The following FAT1 variants were observed in gnomAD, a reference collection of about 807,000 sequenced individuals.
FAT1 encodes FAT atypical cadherin 1.
In FAT1, 171 loss-of-function variants were observed where a neutral mutation model predicts 329.8. The observed-to-expected ratio is 0.52, with a 90% CI of 0.46 to 0.59. The LOEUF (loss-of-function observed/expected upper bound fraction) is 0.59. FAT1 is among the 20% of genes least tolerant of loss of function. FAT1 has a pLI of 0.00. For synonymous variants in FAT1, 2,233 were observed against 2,228.6 expected (o/e 1.00, Z -0.06); for missense variants, 5,672 against 5,774.4 (o/e 0.98, Z 0.57).
rs772349403 is a variant in FAT1 at position 186,708,723 on chromosome 4, T to C, written c.1105A>G (p.Lys369Glu). The C allele has an allele frequency of 1.9e-6, 3 of 1,613,846 alleles. No homozygotes were observed. The East Asian group carries it at 6.7e-5, about 36-fold the overall frequency. The change falls in exon 2 of 27, where the codon AAG (lysine) becomes GAG (glutamate). Residue 369 changes from lysine to glutamate, a missense_variant. Lys to Glu is a moderately conservative substitution (Grantham distance 56). Coordinates refer to ENST00000441802, the MANE Select transcript of FAT1 (RefSeq NM_005245.4). ...QFKAGPVKFE[K>E]DVYRAEISEF... Reference sequence around the variant, plus strand: ...CTTATTTCTGCTCTGTAAACATCCTTTTCAAACTTGACTGGCCCGGCTTTG... The same window carrying C: ...CTTATTTCTGCTCTGTAAACATCCTCTTCAAACTTGACTGGCCCGGCTTTG...
chr4:186,720,492 T>G (rs1422775296), intron 1 of FAT1, among the ~76,000 whole-genome samples: 1 of 152,194 alleles, frequency 6.6e-6, no homozygotes, highest in Non-Finnish European at 1.5e-5. Context: ...ATAACTTGCT[T>G]TGCACACATC....
In FAT1 at chr4:186,723,811, T is replaced by C. The variant is rs1263413249; in HGVS notation, c.-166A>G. On this transcript the variant is annotated 5_prime_UTR_variant, in exon 1 of 27. Coordinates refer to ENST00000441802, the MANE Select transcript of FAT1 (RefSeq NM_005245.4). ...TGCCGCACGAGCCGCTCCCGCGCCCTCTCCCCGCGCCCGGCCGCCCAGCTC... is the reference window on the plus strand; with the variant it reads ...TGCCGCACGAGCCGCTCCCGCGCCCCCTCCCCGCGCCCGGCCGCCCAGCTC... 6.7e-6 allele frequency: 1 copy of C among 148,882 alleles called. No homozygotes were observed. The highest frequency in any genetic ancestry group is 2.0e-4 in the East Asian group (1 of 4,932). The allele number at this position is 148,882 out of a possible 1,614,324, so 9.2% of individuals were successfully genotyped here. A position where few individuals can be genotyped will look rare whatever the true frequency, so the allele number is the denominator to read the frequency against.
At position 186,663,555 on chromosome 4, in the gene FAT1, T is replaced by A. The variant is rs139789197; in HGVS notation, c.3324A>T (p.Thr1108=). Residue 1108 remains threonine (T), a synonymous_variant, in exon 3 of 27, where the codon ACA becomes ACT. Coordinates refer to ENST00000441802, the MANE Select transcript of FAT1 (RefSeq NM_005245.4). The stretch of plus-strand genomic sequence containing the variant: ...CGACACCCTGATCGGTTGCAAAGAC[T>A]GTTAGCCAATAATGGGAGGTCGATT... The part of the protein sequence containing the change: ...DRESTSHYWL[T]VFATDQGVVP... 328 of 1,613,370 alleles carry A rather than the reference T, an allele frequency of 2.0e-4. No individual in the cohort carries two copies. The highest frequency in any genetic ancestry group is 1.1e-3 in the South Asian group (100 of 91,066).
intron 1 of FAT1, among the ~76,000 whole-genome samples, chr4:186,721,495 A>G (rs1745468025): frequency 6.6e-6 from 1 of 152,274 alleles, no homozygotes; most frequent in Non-Finnish European, 1.5e-5. Flanking sequence ...AAGAACAATT[A>G]TCTAGCGCAA....
Position 186,599,745 on chromosome 4 carries a change from G to A in FAT1, c.12103+153C>T, listed in dbSNP as rs557792509. Among the ~76,000 whole-genome samples the A allele has an allele frequency of 3.9e-5, 6 of 152,296 alleles. No individual in the cohort carries two copies. In the South Asian group the frequency reaches 8.3e-4, roughly 21 times the overall value. ...GGGCAGCAGACCCAGCTCTGCCCCCGTATGAGGGATGCTGCTCGCTTCCAA... is the reference window on the plus strand; with the variant it reads ...GGGCAGCAGACCCAGCTCTGCCCCCATATGAGGGATGCTGCTCGCTTCCAA... On this transcript the variant is annotated intron_variant, in intron 22 of 26. Coordinates refer to ENST00000441802, the MANE Select transcript of FAT1 (RefSeq NM_005245.4).
Position 186,620,063 on chromosome 4 carries a change from T to C in FAT1, c.6523A>G (p.Met2175Val). ...TCAAACACAGGCATGGCTTTATTCA[T>C]GACAGTGATCGGAACGATAACTTCC... ...SAEVIVPITV[M>V]NKAMPVFEKP... The change falls in exon 10 of 27, where the codon ATG becomes GTG. Residue 2175 changes from methionine to valine, a missense_variant. This residue lies in a region of FAT1 where 3,966 missense variants were observed against 3,915.2 expected (regional missense o/e 1.01). Transcript: ENST00000441802. The C allele has an allele frequency of 6.2e-7, 1 of 1,614,046 alleles. No individual in the cohort carries two copies. Among genetic ancestry groups the C allele is most frequent in the Non-Finnish European group, 8.5e-7 (1 of 1,179,900 alleles).
chr4:186,600,456 G>C, intron 21 of FAT1, 96 bp from the exon 22 acceptor site: 2 of 1,056,426 alleles, frequency 1.9e-6, no homozygotes, highest in Non-Finnish European at 1.4e-6. Context: ...AGGGAGTGAG[G>C]GTAGAAGTTA....
At chr4:186,624,346 C>T (rs1050952531) in intron 9 of FAT1, among the ~76,000 whole-genome samples, 4 of 152,178 alleles carry the variant, frequency 2.6e-5, no homozygotes, top group Non-Finnish European at 5.9e-5. Context: ...CCCCTGTAGA[C>T]ACACACTGGA....
rs151185143 is a variant in FAT1 at position 186,620,388 on chromosome 4, G to A, written c.6198C>T (p.Val2066=). The change falls in exon 10 of 27, where the codon GTC becomes GTT. Residue 2066 remains valine (V), a synonymous_variant. Coordinates refer to ENST00000441802, the MANE Select transcript of FAT1 (RefSeq NM_005245.4). The part of the protein sequence containing the change: ...EHKPSAVAHV[V]VKVIVEDQND... ...TTTGGTCTTCTACAATGACCTTCAC[G>A]ACAACGTGGGCCACTGCAGAAGGCT... 30 of 1,613,958 alleles carry A rather than the reference G, an allele frequency of 1.9e-5. No homozygotes were observed. The East Asian group carries it at 2.0e-4, about 11-fold the overall frequency.
chr4:186,679,720 G>C (rs940431795), intron 2 of FAT1, among the ~76,000 whole-genome samples: 9 of 152,038 alleles, frequency 5.9e-5, no homozygotes, highest in African/African-American at 1.9e-4. Flanking sequence ...ATGTTATCAA[G>C]TCTACAGTTT....
At position 186,711,252 on chromosome 4, in the gene FAT1, T is replaced by G. The variant is rs572033885; in HGVS notation, c.-18-1407A>C. Among the ~76,000 whole-genome samples the G allele has an allele frequency of 5.9e-5, 9 of 152,266 alleles. No homozygotes were observed. In the South Asian group the frequency reaches 1.9e-3, roughly 32 times the overall value. On this transcript the variant is annotated intron_variant, in intron 1 of 26. Coordinates refer to ENST00000441802, the MANE Select transcript of FAT1 (RefSeq NM_005245.4). The stretch of plus-strand genomic sequence containing the variant: ...AAAGACCTGATGTGCTTAAAGCAAT[T>G]AAAGCTTAATTGATATTGAACCACG...
At chr4:186,609,729 G>T in intron 15 of FAT1, 72 bp downstream of exon 15, 1 of 1,067,410 alleles carries the variant, frequency 9.4e-7, no homozygotes, top group South Asian at 1.4e-5. Flanking sequence ...AAACTAGATT[G>T]ATTTTACTAA....
chr4:186,609,855 G>A lies in FAT1; in HGVS notation c.10014C>T (p.Asp3338=), dbSNP rs1298242266. Residue 3338 remains aspartate, a synonymous_variant, in exon 15 of 27, where the codon GAC becomes GAT. Transcript: ENST00000441802. ...CTTCACTGATGACTGTCGTGTAGGT[G>A]TCTTGGCTGAACACAGGGGTATTAT... ...INDNTPVFSQ[D]TYTTVISEDA... The A allele has an allele frequency of 6.2e-7, 1 of 1,613,584 alleles. No individual in the cohort carries two copies. Among genetic ancestry groups the A allele is most frequent in the African/African-American group, 1.3e-5 (1 of 74,948 alleles).
At chr4:186,712,662 C>T (rs1745013248) in intron 1 of FAT1, among the ~76,000 whole-genome samples, 1 of 152,086 alleles carries the variant, frequency 6.6e-6, no homozygotes, top group Non-Finnish European at 1.5e-5. Flanking sequence ...AAGAGGGAAC[C>T]CTAAATCCAA....
Position 186,604,397 on chromosome 4 carries a change from G to C in FAT1, c.10528C>G (p.His3510Asp), listed in dbSNP as rs749134522. 3.7e-6 allele frequency: 6 copies of C among 1,613,432 alleles called. No homozygotes were observed. The highest frequency in any genetic ancestry group is 5.1e-6 in the Non-Finnish European group (6 of 1,179,654). ...CATACCTTCACCTGCAGTAAGTAAT[G>C]ATCTTTCTCCTTCCTCTTGATGGCA... Reference protein sequence around the residue: ...SSAIKRKEKDHYLLQVKVADN... With the variant: ...SSAIKRKEKDDYLLQVKVADN... Residue 3510 changes from histidine (H) to aspartate (D), a missense_variant, in exon 18 of 27, where the codon CAT becomes GAT. His to Asp is a moderately conservative substitution (Grantham distance 81, BLOSUM62 -1). Around this residue, in one of 2 missense-constraint regions of FAT1, gnomAD observed 1,706 missense variants for 1,859.1 expected, o/e 0.92. Coordinates refer to ENST00000441802, the MANE Select transcript of FAT1 (RefSeq NM_005245.4).
intron 26 of FAT1, chr4:186,590,478 G>A (rs1341859335): frequency 9.6e-7 from 1 of 1,045,748 alleles, no homozygotes; most frequent in Non-Finnish European, 1.3e-6. Context: ...ATAAAGGTAA[G>A]TACACAGAAC....
intron 22 of FAT1, among the ~76,000 whole-genome samples, chr4:186,599,134 G>A (rs1738669301): frequency 6.6e-6 from 1 of 152,210 alleles, no homozygotes; most frequent in Non-Finnish European, 1.5e-5. Context: ...AACCTGGTTT[G>A]GACGTGTAAC....
At chr4:186,635,954 C>T (rs544477569) in intron 6 of FAT1, 71 bp downstream of exon 6, 7 of 1,352,506 alleles carry the variant, frequency 5.2e-6, no homozygotes, top group South Asian at 1.3e-5. Flanking sequence ...GTGCCCAAAA[C>T]TCATCAAACC....
chr4:186,596,276 AC>A lies in FAT1; in HGVS notation c.13000+263del, dbSNP rs1305009931. ...TAAACTCAAAAAATTATAGATGAGA[AC>A]CTTTATCAATTATAAAATGAAATGA... On this transcript the variant is annotated intron_variant, in intron 25 of 26. Coordinates refer to ENST00000441802, the MANE Select transcript of FAT1 (RefSeq NM_005245.4). The surrounding 1 kb of genome is among the most constrained non-coding windows in gnomAD (Gnocchi z 4.7). 6.6e-6 allele frequency among the ~76,000 whole-genome samples: 1 copy of A among 152,226 alleles called. No individual in the cohort carries two copies. Among genetic ancestry groups the A allele is most frequent in the Non-Finnish European group, 1.5e-5 (1 of 68,042 alleles).
Sources: gnomAD v4.1 joint callset for allele counts (sites outside exome capture counted in the v4.1 genomes callset) on GRCh38, gnomAD v4.1.1 for gene constraint, gnomAD v4.1.1 regional missense constraint, Gnocchi (gnomAD v3.1) non-coding constraint, MANE v1.5 for transcripts, NCBI Gene and HGNC (gene_info 2026-07-23, HGNC 2026-07-21) for gene names.